Variants in ZNF385D observed in about 807,000 individuals in gnomAD.
ZNF385D encodes the protein zinc finger protein 385D, also known as zinc finger protein 659.
A neutral mutation model predicts 35.8 loss-of-function variants in ZNF385D; 15 were observed. The ratio of observed to expected loss-of-function variants is 0.42; its 90% CI spans 0.28 to 0.64. ZNF385D has a LOEUF of 0.64. Ranked by LOEUF, ZNF385D falls within the 30% of genes least tolerant of loss-of-function variation. ZNF385D has a pLI of 0.23. For synonymous variants in ZNF385D, 212 were observed against 186.8 expected (o/e 1.13, Z -1.10); for missense variants, 474 against 494.6 (o/e 0.96, Z 0.39).
chr3:22,203,502 T>C (rs539851336), intron 2 of ZNF385D, among the ~76,000 whole-genome samples: 109 of 152,272 alleles, frequency 7.2e-4, no homozygotes, highest in African/African-American at 2.4e-3. Flanking sequence ...CTTTGTCTTA[T>C]AGCTTAGGTA....
At chr3:21,816,058 T>A (rs908736575) in intron 3 of ZNF385D, among the ~76,000 whole-genome samples, 19 of 152,104 alleles carry the variant, frequency 1.2e-4, no homozygotes, top group Non-Finnish European at 2.5e-4. Flanking sequence ...ATCCAGCATA[T>A]AAACAGAACC....
At chr3:21,942,626 T>C (rs556200793) in intron 3 of ZNF385D, 7 of 152,294 alleles carry the variant, frequency 4.6e-5, no homozygotes, top group African/African-American at 1.2e-4. Context: ...GACAGAAGTA[T>C]GGCCCGTGGT....
intron 3 of ZNF385D, among the ~76,000 whole-genome samples, chr3:21,825,910 G>A (rs79497306): frequency 0.026 from 3,993 of 152,226 alleles, 105 homozygotes; most frequent in South Asian, 0.12. Flanking sequence ...CACCAGCGGG[G>A]GCATTAGATT....
chr3:22,281,858 T>A (rs1016178854), intron 2 of ZNF385D, among the ~76,000 whole-genome samples: 1 of 151,770 alleles, frequency 6.6e-6, no homozygotes, highest in Non-Finnish European at 1.5e-5. Flanking sequence ...GCTGTGAATC[T>A]GTCTGGTACT....
chr3:22,075,894 T>C (rs191161446), intron 3 of ZNF385D, among the ~76,000 whole-genome samples: 185 of 152,048 alleles, frequency 1.2e-3, no homozygotes, highest in African/African-American at 4.1e-3. Flanking sequence ...AATACCATCA[T>C]AATCCATCCA....
intron 4 of ZNF385D, among the ~76,000 whole-genome samples, chr3:21,447,860 A>G (rs13096294): frequency 0.12 from 18,684 of 152,152 alleles, 1,539 homozygotes; most frequent in East Asian, 0.35. Context: ...AAGAAATAAC[A>G]GCCAGCTCTT....
chr3:21,651,316 G>A (rs1168472905), intron 2 of ZNF385D, among the ~76,000 whole-genome samples: 6 of 138,740 alleles, frequency 4.3e-5, no homozygotes, highest in African/African-American at 1.3e-4. Context: ...AAAAAAAAAG[G>A]TGAAGAAAAA....
At chr3:22,358,749 G>A (rs1696271287) in intron 2 of ZNF385D, among the ~76,000 whole-genome samples, 1 of 151,690 alleles carries the variant, frequency 6.6e-6, no homozygotes, top group Non-Finnish European at 1.5e-5. Context: ...AGCAGGCATT[G>A]GACAGAGGAC....
rs548097152 is a variant in ZNF385D, at chr3:22,131,855, G to C, written c.325+36962C>G. The stretch of plus-strand genomic sequence containing the variant: ...AGAATCATCCAGTGGGTTGAGAGAA[G>C]GTATAAGTCAGGGAAACATAATATG... On this transcript the variant is annotated intron_variant, in intron 3 of 5. Coordinates refer to the ZNF385D transcript ENST00000494108. 5.3e-5 allele frequency among the ~76,000 whole-genome samples: 8 copies of C among 152,240 alleles called. No homozygotes were observed. In the South Asian group the frequency reaches 1.5e-3, roughly 28 times the overall value.
At chr3:21,923,081 C>T (rs968853832) in intron 3 of ZNF385D, among the ~76,000 whole-genome samples, 9 of 151,998 alleles carry the variant, frequency 5.9e-5, no homozygotes, top group South Asian at 2.1e-4. Context: ...ATGTGCACAA[C>T]ATGCAGGTTT....
At chr3:22,193,205 C>T (rs1177948837) in intron 2 of ZNF385D, among the ~76,000 whole-genome samples, 1 of 152,010 alleles carries the variant, frequency 6.6e-6, no homozygotes, top group Non-Finnish European at 1.5e-5. Context: ...TGACACCTTC[C>T]TTCCATATTT....
At chr3:21,714,815 T>C (rs2125426475) in intron 1 of ZNF385D, among the ~76,000 whole-genome samples, 1 of 152,326 alleles carries the variant, frequency 6.6e-6, no homozygotes, top group African/African-American at 2.4e-5. Flanking sequence ...ACTCTCTCTT[T>C]TTAAAAAAAT....
chr3:21,866,720 A>G (rs548277081), intron 3 of ZNF385D, among the ~76,000 whole-genome samples: 2 of 152,294 alleles, frequency 1.3e-5, no homozygotes, highest in Admixed American at 6.5e-5. Flanking sequence ...AATAGTAGCT[A>G]GATGTTATTT....
At position 22,008,360 on chromosome 3, in the gene ZNF385D, C is replaced by CATTTTTTTTTTTTTTTTTTTT. The variant is rs773952386; in HGVS notation, c.325+160456_325+160457insAAAAAAAAAAAAAAAAAAAAT. 8.3e-5 allele frequency among the ~76,000 whole-genome samples: 11 copies of CATTTTTTTTTTTTTTTTTTTT among 131,938 alleles called. 4 individuals are homozygous for CATTTTTTTTTTTTTTTTTTTT. The highest frequency in any genetic ancestry group is 1.2e-4 in the African/African-American group (4 of 33,070). The allele number at this position is 131,938 out of a possible 152,430, so 86.6% of individuals were successfully genotyped here. Reference sequence around the variant, plus strand: ...TCACTTTCATACAGGCCATGATTTTCTTTTTTTTTTTTGAGGCGGAGTCTC... The same window carrying CATTTTTTTTTTTTTTTTTTTT: ...TCACTTTCATACAGGCCATGATTTTCATTTTTTTTTTTTTTTTTTTTTTTTTTTTTTTTGAGGCGGAGTCTC... On this transcript the variant is annotated intron_variant, in intron 3 of 5. Transcript: ENST00000494108.
At chr3:22,137,205 G>C (rs1048032825) in intron 3 of ZNF385D, among the ~76,000 whole-genome samples, 4 of 152,118 alleles carry the variant, frequency 2.6e-5, no homozygotes, top group African/African-American at 9.7e-5. Context: ...TAAAAGTCCA[G>C]GACCAGACGG....
At chr3:22,037,628 A>T (rs1387688896) in intron 3 of ZNF385D, among the ~76,000 whole-genome samples, 2 of 152,034 alleles carry the variant, frequency 1.3e-5, no homozygotes, top group Non-Finnish European at 2.9e-5. Flanking sequence ...AGATGAGTAG[A>T]TTGCAAAAAT....
intron 3 of ZNF385D, among the ~76,000 whole-genome samples, chr3:22,045,708 T>G (rs1211195384): frequency 6.6e-6 from 1 of 150,436 alleles, no homozygotes; most frequent in Admixed American, 6.6e-5. Flanking sequence ...CGAGTATTAT[T>G]CAAAATATCT....
exon 2 of ZNF385D, chr3:22,372,527 G>A: frequency 4.1e-6 from 4 of 985,798 alleles, no homozygotes; most frequent in Non-Finnish European, 4.8e-6. Context: ...TCTCCTGCTG[G>A]CGGCCGCCCG....
rs11916103 is a variant in ZNF385D at position 22,151,256 on chromosome 3, G to A, written c.325+17561C>T. On this transcript the variant is annotated intron_variant, in intron 3 of 5. Transcript: ENST00000494108. ...TTGGATATGCTGGCTGACGGTGGTA[G>A]CACTATGCTGGCAGCTAAACAAGAC... is the stretch of plus-strand genomic sequence containing the variant. Among the ~76,000 whole-genome samples, 1,443 of 152,246 alleles carry A rather than the reference G, an allele frequency of 9.5e-3. 28 individuals are homozygous for A. The highest frequency in any genetic ancestry group is 0.033 in the African/African-American group (1,352 of 41,550).
Sources: allele counts gnomAD v4.1 joint callset (sites outside exome capture counted in the v4.1 genomes callset), GRCh38; gene constraint gnomAD v4.1.1; transcripts MANE v1.5; gene names NCBI Gene and HGNC (gene_info 2026-07-23, HGNC 2026-07-21).